The following COL18A1 variants were observed in gnomAD, a reference collection of about 807,000 sequenced individuals.
COL18A1 encodes the protein collagen type XVIII alpha 1 chain.
In COL18A1, 133 loss-of-function variants were observed where a neutral mutation model predicts 168.0. That is an observed-to-expected ratio of 0.79 (90% CI 0.69 to 0.91). The LOEUF (loss-of-function observed/expected upper bound fraction) is 0.91, where lower values mean the gene tolerates loss of function less well. Among genes scored for constraint, COL18A1 ranks in the 40% least tolerant of loss-of-function variants. COL18A1 has a pLI of 0.00. For synonymous variants in COL18A1, 949 were observed against 809.0 expected (o/e 1.17, Z -2.94); for missense variants, 2,126 against 1,925.4 (o/e 1.10, Z -1.95).
chr21:45,445,218 C>T (rs573519931), intron 2 of COL18A1, among the ~76,000 whole-genome samples: 25 of 152,286 alleles, frequency 1.6e-4, no homozygotes, highest in Non-Finnish European at 3.4e-4. Flanking sequence ...AACGTGTGGT[C>T]GTTTCTGTCT....
rs950511286 is a variant in COL18A1, at chr21:45,471,350, C to T, written c.652-2545C>T. ...TAGAAAAGAAGACAGACTTGTTCAG[C>T]ACAAGATTTTCTCAGACTTCTGAAT... On this transcript the variant is annotated intron_variant, in intron 3 of 41. Transcript: ENST00000651438. This position sits in a 1 kb window ranked among gnomAD's most constrained non-coding sequence, Gnocchi z 4.4. 2.0e-5 allele frequency among the ~76,000 whole-genome samples: 3 copies of T among 152,188 alleles called. No individual in the cohort carries two copies. Among genetic ancestry groups the T allele is most frequent in the Non-Finnish European group, 2.9e-5 (2 of 68,044 alleles).
intron 2 of COL18A1, among the ~76,000 whole-genome samples, chr21:45,444,560 G>A (rs2034464459): frequency 6.6e-6 from 1 of 152,118 alleles, no homozygotes; most frequent in African/African-American, 2.4e-5. Context: ...TGTGGACAGA[G>A]GAGCCCTCGA....
intron 15 of COL18A1, among the ~76,000 whole-genome samples, chr21:45,483,882 C>T (rs1040286736): frequency 2.6e-5 from 4 of 151,756 alleles, no homozygotes; most frequent in African/African-American, 4.9e-5. Flanking sequence ...ACACACCTCT[C>T]CAGCATATGT....
rs555610408 is a variant in COL18A1 at position 45,468,404 on chromosome 21, G to T, written c.269G>T (p.Arg90Leu). ...ARYHFPSLFF[R>L]DFSLLFHIRP... ...TACCACTTCCCCAGCCTCTTCTTCC[G>T]TGACTTCTCACTGCTGTTCCACATC... Residue 90 changes from arginine (R) to leucine (L), a missense_variant, in exon 3 of 42, where the codon CGT becomes CTT. Transcript: ENST00000651438. The T allele has an allele frequency of 6.2e-7, 1 of 1,614,004 alleles. No individual in the cohort carries two copies. The highest frequency in any genetic ancestry group is 1.7e-5 in the Admixed American group (1 of 60,034).
At position 45,477,899 on chromosome 21, in the gene COL18A1, C is replaced by T. The variant is rs761020121; in HGVS notation, c.1155C>T (p.Val385=). Residue 385 remains valine (V), a synonymous_variant, in exon 8 of 42, where the codon GTC becomes GTT. Transcript: ENST00000651438. ...LGPAGPALQT[V]PGPQGPPGPP... ...CTGCAGGCCCAGCGTTGCAAACTGTCCCCGGACCACAAGGACCCCCAGGGC... is the reference window on the plus strand; with the variant it reads ...CTGCAGGCCCAGCGTTGCAAACTGTTCCCGGACCACAAGGACCCCCAGGGC... The T allele has an allele frequency of 2.1e-4, 321 of 1,564,300 alleles. 1 individual carries two copies. The highest frequency in any genetic ancestry group is 5.0e-4 in the Middle Eastern group (3 of 5,998).
At position 45,512,411 on chromosome 21, in the gene COL18A1, T is replaced by A. The variant is rs747722915; in HGVS notation, c.*13T>A. ...TGCCTCCAAGTAGCCACCGCCTGGATGCGGATGGCCGGAGAGGACCGGCGG... is the reference window on the plus strand; with the variant it reads ...TGCCTCCAAGTAGCCACCGCCTGGAAGCGGATGGCCGGAGAGGACCGGCGG... On this transcript the variant is annotated 3_prime_UTR_variant, in exon 42 of 42. Transcript: ENST00000651438. 14 of 1,611,028 alleles carry A rather than the reference T, an allele frequency of 8.7e-6. No homozygotes were observed. The highest frequency in any genetic ancestry group is 1.2e-5 in the Non-Finnish European group (14 of 1,179,228).
At chr21:45,450,436 C>T (rs896309867) in intron 2 of COL18A1, among the ~76,000 whole-genome samples, 6 of 152,210 alleles carry the variant, frequency 3.9e-5, no homozygotes, top group African/African-American at 1.2e-4. Flanking sequence ...ACGCCTCTGA[C>T]GATTGAACAG....
At chr21:45,506,605 A>G in intron 37 of COL18A1, 1 of 179,078 alleles carries the variant, frequency 5.6e-6, no homozygotes, top group Admixed American at 5.3e-5. Flanking sequence ...TTCGTGTGGC[A>G]AAGGTGAGGA....
At chr21:45,475,572 G>C (rs1346681250) in intron 5 of COL18A1, 37 bp downstream of exon 5, 3 of 1,574,402 alleles carry the variant, frequency 1.9e-6, no homozygotes, top group Non-Finnish European at 2.6e-6. Flanking sequence ...ACGCTGCAGG[G>C]TCCCGGGAGA....
intron 14 of COL18A1, chr21:45,482,493 C>T (rs1262690198): frequency 3.4e-6 from 2 of 585,180 alleles, no homozygotes; most frequent in Non-Finnish European, 6.2e-6. Context: ...CCCCTCACTG[C>T]TCTAAGCCTG....
rs17004785 is a variant in COL18A1, at chr21:45,512,704, G to A, written c.*306G>A. 4.8e-5 allele frequency: 22 copies of A among 456,264 alleles called. 1 individual carries two copies. Among genetic ancestry groups the A allele is most frequent in the African/African-American group, 2.4e-4 (12 of 50,702 alleles). 28.3% of individuals were successfully genotyped at this position (456,264 alleles called of 1,614,324 possible). ...CAACCTCTTGGCCTGATCAGACCAC[G>A]GCTCGATTTCTCCAGGATTTCCTGC... On this transcript the variant is annotated 3_prime_UTR_variant, in exon 42 of 42. Coordinates refer to ENST00000651438, the MANE Select transcript of COL18A1 (RefSeq NM_001379500.1).
intron 2 of COL18A1, among the ~76,000 whole-genome samples, chr21:45,436,134 G>C (rs185065452): frequency 1.3e-5 from 2 of 152,326 alleles, no homozygotes; most frequent in Admixed American, 1.3e-4. Context: ...TTTAAAGGGG[G>C]CTCATTTGAA....
At chr21:45,479,421 CGT>C (rs1168969162) in intron 9 of COL18A1, among the ~76,000 whole-genome samples, 14 of 151,806 alleles carry the variant, frequency 9.2e-5, no homozygotes, top group African/African-American at 2.9e-4. Context: ...ACACATCACA[CGT>C]GGACACATGC....
intron 14 of COL18A1, chr21:45,482,380 GC>G: frequency 1.5e-6 from 1 of 649,934 alleles, no homozygotes; most frequent in Non-Finnish European, 2.9e-6. Flanking sequence ...GGTGGACCTG[GC>G]GGGAGTCGCC....
chr21:45,419,257 A>G (rs1430282599), intron 2 of COL18A1, among the ~76,000 whole-genome samples: 1 of 151,408 alleles, frequency 6.6e-6, no homozygotes, highest in Non-Finnish European at 1.5e-5. Context: ...GTGTGGTGAC[A>G]TGCAGTTCCG....
At chr21:45,439,581 C>T (rs1471369463) in intron 2 of COL18A1, among the ~76,000 whole-genome samples, 3 of 147,030 alleles carry the variant, frequency 2.0e-5, no homozygotes, top group South Asian at 4.2e-4. Context: ...GGCGGCCGGT[C>T]CCTGGCTTGA....
rs1157105597 is a variant in COL18A1 at position 45,484,294 on chromosome 21, GTGCACACACACACCTCCAGCATACA to G, written c.1701+1484_1701+1508del. Among the ~76,000 whole-genome samples, 177 of 121,546 alleles carry G rather than the reference GTGCACACACACACCTCCAGCATACA, an allele frequency of 1.5e-3. 2 individuals are homozygous for G. The highest frequency in any genetic ancestry group is 5.1e-3 in the African/African-American group (159 of 31,454). 79.7% of individuals were successfully genotyped at this position (121,546 alleles called of 152,430 possible). A position where few individuals can be genotyped will look rare whatever the true frequency, so the allele number is the denominator to read the frequency against. On this transcript the variant is annotated intron_variant, in intron 15 of 41. Transcript: ENST00000651438. ...ATAGGCACACACATCTCCAGCATAT[GTGCACACACACACCTCCAGCATACA>G]TGCACACACATGCACACACACATCT...
intron 2 of COL18A1, among the ~76,000 whole-genome samples, chr21:45,448,349 T>C (rs2034547004): frequency 1.3e-5 from 2 of 152,206 alleles, no homozygotes; most frequent in Admixed American, 6.5e-5. Flanking sequence ...AATATCTACA[T>C]GCACCTCCAC....
chr21:45,497,951 C>T (rs1439148622), intron 32 of COL18A1: 1 of 604,106 alleles, frequency 1.7e-6, no homozygotes, highest in Non-Finnish European at 2.9e-6. Context: ...TGCGCAGAGA[C>T]ACAGCAGCTT....
Sources: gnomAD v4.1 joint callset for allele counts (sites outside exome capture counted in the v4.1 genomes callset) on GRCh38, gnomAD v4.1.1 for gene constraint, Gnocchi (gnomAD v3.1) non-coding constraint, MANE v1.5 for transcripts, NCBI Gene and HGNC (gene_info 2026-07-23, HGNC 2026-07-21) for gene names.